Variants in HSD17B3 observed in about 807,000 individuals in gnomAD.
The protein encoded by HSD17B3 is 17-beta-hydroxysteroid dehydrogenase type 3.
In HSD17B3, 29 loss-of-function variants were observed where a neutral mutation model predicts 41.1. That is an observed-to-expected ratio of 0.71 (90% CI 0.53 to 0.96). The LOEUF is 0.96. HSD17B3 is among the 40% of genes least tolerant of loss of function. The pLI is 0.00. For synonymous variants in HSD17B3, 126 were observed against 145.6 expected (o/e 0.87, Z 0.97); for missense variants, 323 against 374.6 (o/e 0.86, Z 1.14).
intron 7 of HSD17B3, among the ~76,000 whole-genome samples, chr9:96,245,960 T>A (rs952947850): frequency 6.6e-6 from 1 of 152,210 alleles, no homozygotes; most frequent in Non-Finnish European, 1.5e-5. Flanking sequence ...ATATTCTTAA[T>A]CCTTCCCAAT....
intron 3 of HSD17B3, among the ~76,000 whole-genome samples, chr9:96,254,270 A>G (rs978842413): frequency 4.6e-5 from 7 of 152,158 alleles, no homozygotes; most frequent in African/African-American, 1.7e-4. Context: ...AAACACCAGT[A>G]AGCATTGTCC....
chr9:96,264,133 A>C, intron 2 of HSD17B3, among the ~76,000 whole-genome samples: 1 of 152,330 alleles, frequency 6.6e-6, no homozygotes, highest in East Asian at 1.9e-4. Context: ...TTTAAAAATT[A>C]ATTAATTTAA....
chr9:96,284,174 C>A (rs1041279448), intron 2 of HSD17B3, among the ~76,000 whole-genome samples: 3 of 138,600 alleles, frequency 2.2e-5, no homozygotes, highest in African/African-American at 8.1e-5. Context: ...TGAGATCATG[C>A]CACTGCACTC....
At chr9:96,288,426 G>A (rs893456157) in intron 2 of HSD17B3, among the ~76,000 whole-genome samples, 12 of 152,114 alleles carry the variant, frequency 7.9e-5, no homozygotes, top group African/African-American at 2.9e-4. Context: ...CACCACAAAG[G>A]TATTGTCACA....
intron 2 of HSD17B3, among the ~76,000 whole-genome samples, chr9:96,285,425 G>T (rs1276991933): frequency 1.3e-5 from 2 of 152,082 alleles, no homozygotes; most frequent in Non-Finnish European, 2.9e-5. Flanking sequence ...AGAAATAAGA[G>T]GAATGGGTAA....
At chr9:96,278,851 T>C (rs986538587) in intron 2 of HSD17B3, among the ~76,000 whole-genome samples, 2 of 152,216 alleles carry the variant, frequency 1.3e-5, no homozygotes, top group African/African-American at 4.8e-5. Context: ...AGCTTCAGAC[T>C]GAACTCTACC....
chr9:96,262,566 T>C (rs1390763415), intron 2 of HSD17B3, among the ~76,000 whole-genome samples: 1 of 152,096 alleles, frequency 6.6e-6, no homozygotes, highest in Non-Finnish European at 1.5e-5. Context: ...TTTAATTTCT[T>C]TATACTTTCA....
intron 6 of HSD17B3, chr9:96,249,507 C>T: frequency 1.7e-6 from 1 of 571,874 alleles, no homozygotes; most frequent in South Asian, 2.2e-5. Context: ...TAGTATGTTC[C>T]AACGTGTGAC....
chr9:96,244,455 T>TG, intron 8 of HSD17B3, 61 bp from the exon 9 acceptor site: 1 of 1,493,630 alleles, frequency 6.7e-7, no homozygotes, highest in African/African-American at 1.4e-5. Flanking sequence ...AGAGCCAACT[T>TG]CCTCTGACTT....
intron 2 of HSD17B3, among the ~76,000 whole-genome samples, chr9:96,256,770 C>T (rs1825677807): frequency 6.6e-6 from 1 of 151,786 alleles, no homozygotes; most frequent in Admixed American, 6.6e-5. Flanking sequence ...TCACTATGGC[C>T]CACGGTCTCA....
At chr9:96,263,916 T>G (rs1200155296) in intron 2 of HSD17B3, among the ~76,000 whole-genome samples, 1 of 152,136 alleles carries the variant, frequency 6.6e-6, no homozygotes, top group East Asian at 1.9e-4. Flanking sequence ...ACATGTTGTA[T>G]TAACTATAGA....
At chr9:96,239,335 T>C (rs1482149516) in intron 10 of HSD17B3, 1 of 152,152 alleles carries the variant, frequency 6.6e-6, no homozygotes, top group Non-Finnish European at 1.5e-5. Flanking sequence ...ATTTCCTAAA[T>C]GGCCAGTTGA....
chr9:96,235,869 G>A (rs1000734641), intron 10 of HSD17B3, among the ~76,000 whole-genome samples: 2 of 151,940 alleles, frequency 1.3e-5, no homozygotes, highest in Non-Finnish European at 2.9e-5. Flanking sequence ...GCAGTGGCAC[G>A]ATCACGACTT....
intron 2 of HSD17B3, among the ~76,000 whole-genome samples, chr9:96,281,433 C>T (rs2130777556): frequency 6.6e-6 from 1 of 152,168 alleles, no homozygotes; most frequent in African/African-American, 2.4e-5. Context: ...TAAGACAGAG[C>T]AGGTTAGAGG....
intron 2 of HSD17B3, among the ~76,000 whole-genome samples, chr9:96,286,761 C>T (rs919924682): frequency 7.2e-5 from 11 of 152,064 alleles, no homozygotes; most frequent in African/African-American, 2.4e-4. Flanking sequence ...ACTGCTACAC[C>T]CCCACCAGCA....
rs574582230 is a variant in HSD17B3 at position 96,266,604 on chromosome 9, T to C, written c.202-11661A>G. Among the ~76,000 whole-genome samples, 4 of 152,214 alleles carry C rather than the reference T, an allele frequency of 2.6e-5. No homozygotes were observed. In the East Asian group the frequency reaches 7.7e-4, roughly 29 times the overall value. On this transcript the variant is annotated intron_variant, in intron 2 of 10. Transcript: ENST00000375263. ...AAAATTTTTGTTCCTAGAAAATGGATGGGCAAGATCTCAAATCCTAAACCA... is the reference window on the plus strand; with the variant it reads ...AAAATTTTTGTTCCTAGAAAATGGACGGGCAAGATCTCAAATCCTAAACCA...
chr9:96,264,789 GAA>G (rs930070730), intron 2 of HSD17B3, among the ~76,000 whole-genome samples: 14 of 152,318 alleles, frequency 9.2e-5, no homozygotes, highest in Admixed American at 7.8e-4. Context: ...AGCCATGATA[GAA>G]AATTTAAGTT....
At chr9:96,249,567 T>C (rs1836810702) in intron 6 of HSD17B3, 184 bp downstream of exon 6, 3 of 641,632 alleles carry the variant, frequency 4.7e-6, no homozygotes, top group Non-Finnish European at 8.4e-6. Flanking sequence ...GTTGAATCCA[T>C]TACTGTATTT....
At chr9:96,240,400 T>C (rs1836390760) in intron 10 of HSD17B3, among the ~76,000 whole-genome samples, 2 of 152,186 alleles carry the variant, frequency 1.3e-5, no homozygotes, top group Non-Finnish European at 2.9e-5. Context: ...TTTGTTTTTT[T>C]GCCTGGAGGG....
Sources: gnomAD v4.1 joint callset for allele counts (sites outside exome capture counted in the v4.1 genomes callset) on GRCh38, gnomAD v4.1.1 for gene constraint, MANE v1.5 for transcripts, NCBI Gene and HGNC (gene_info 2026-07-23, HGNC 2026-07-21) for gene names.